Variants in LIMS2 observed in about 807,000 individuals in gnomAD.
LIMS2 encodes the protein LIM zinc finger domain containing 2.
A neutral mutation model predicts 45.3 loss-of-function variants in LIMS2; 30 were observed. The observed-to-expected ratio is 0.66, with a 90% CI of 0.50 to 0.90. The LOEUF is 0.90. LIMS2 is among the 40% of genes least tolerant of loss of function. The probability of loss-of-function intolerance (pLI) is 0.00; values close to 1 mark genes in which losing one functional copy is unlikely to be tolerated. For missense variants in LIMS2, 485 were observed against 468.7 expected (o/e 1.03, Z -0.32); for synonymous variants, 173 against 188.0 (o/e 0.92, Z 0.65).
At chr2:127,673,470 G>A (rs1168518853) in intron 1 of LIMS2, among the ~76,000 whole-genome samples, 1 of 152,162 alleles carries the variant, frequency 6.6e-6, no homozygotes, top group Non-Finnish European at 1.5e-5. Flanking sequence ...GCTGACCCCT[G>A]CTCGCCACCA....
At chr2:127,651,182 C>A in intron 4 of LIMS2, 1 of 1,612,130 alleles carries the variant, frequency 6.2e-7, no homozygotes. Context: ...TCTACGCACA[C>A]CTGGCCTGTG....
chr2:127,650,796 G>A (rs1683674296), intron 4 of LIMS2: 1 of 1,613,014 alleles, frequency 6.2e-7, no homozygotes, highest in Admixed American at 1.7e-5. Context: ...GGCCACGGCA[G>A]AGCAATGTGG....
At chr2:127,639,990 G>T in intron 9 of LIMS2, 80 bp downstream of exon 9, 2 of 1,419,438 alleles carry the variant, frequency 1.4e-6, no homozygotes, top group Admixed American at 1.7e-5. Context: ...CTCAGCTGGT[G>T]TGCAGGAGGG....
intron 4 of LIMS2, among the ~76,000 whole-genome samples, chr2:127,650,240 A>T (rs1160522861): frequency 6.6e-6 from 1 of 152,112 alleles, no homozygotes; most frequent in East Asian, 1.9e-4. Context: ...GGGTCCAGGC[A>T]CTCAGGATGA....
rs1684009489 is a variant in LIMS2 at position 127,653,533 on chromosome 2, G to C, written c.359+891C>G. ...ATTCTGTCTGCAAGGGCAGCCATGA[G>C]GGCCGGGCACGGAGCCCCAGACGAC... On this transcript the variant is annotated intron_variant, in intron 4 of 9. Transcript: ENST00000355119. The surrounding 1 kb of genome is among the most constrained non-coding windows in gnomAD (Gnocchi z 5.3). 6.6e-6 allele frequency among the ~76,000 whole-genome samples: 1 copy of C among 152,208 alleles called. No homozygotes were observed. The highest frequency in any genetic ancestry group is 1.5e-5 in the Non-Finnish European group (1 of 68,038).
In LIMS2 at chr2:127,642,175, G is replaced by C; in HGVS notation, c.534C>G (p.Arg178=). The C allele has an allele frequency of 6.4e-7, 1 of 1,570,120 alleles. No homozygotes were observed. The highest frequency in any genetic ancestry group is 8.7e-7 in the Non-Finnish European group (1 of 1,153,354). ...GGCAGTAGAGCTCACCCTTCAGCTC[G>C]CGGGCCTCGGCTGTCAGCTCCTTCC... The part of the protein sequence containing the change: ...HCGKELTAEA[R]ELKGELYCLP... The change falls in exon 6 of 10, where the codon CGC becomes CGG. Residue 178 remains arginine (R), a synonymous_variant. Transcript: ENST00000355119. The surrounding 1 kb of genome is among the most constrained non-coding windows in gnomAD (Gnocchi z 5.3).
Position 127,653,049 on chromosome 2 carries a change from C to T in LIMS2, c.359+1375G>A, listed in dbSNP as rs926627541. Among the ~76,000 whole-genome samples the T allele has an allele frequency of 4.6e-5, 7 of 152,270 alleles. No individual in the cohort carries two copies. The highest frequency in any genetic ancestry group is 8.8e-5 in the Non-Finnish European group (6 of 68,020). On this transcript the variant is annotated intron_variant, in intron 4 of 9. Transcript: ENST00000355119. The surrounding 1 kb of genome is among the most constrained non-coding windows in gnomAD (Gnocchi z 5.3). ...AGCACGAGCTCCTGGTGCTGTCCCT[C>T]GGCCCCTGCACTGCACCGTCTGCCC...
exon 1 of LIMS2, chr2:127,681,586 G>A (rs747603702): frequency 1.3e-5 from 2 of 152,316 alleles, no homozygotes; most frequent in African/African-American, 4.8e-5. Flanking sequence ...AAGAAGCCGC[G>A]GAAGGAAAGG....
At chr2:127,651,997 T>C (rs1683852396) in intron 4 of LIMS2, 2 of 557,634 alleles carry the variant, frequency 3.6e-6, no homozygotes, top group South Asian at 5.4e-5. Context: ...ACTCAACGAC[T>C]TCATCTGTGG....
At chr2:127,641,960 G>A (rs774761118) in intron 6 of LIMS2, 89 bp downstream of exon 6, 25 of 1,438,264 alleles carry the variant, frequency 1.7e-5, no homozygotes, top group Non-Finnish European at 2.3e-5. Context: ...CCCTGGGCTG[G>A]GAGTGTGGAG....
Position 127,640,108 on chromosome 2 carries a change from G to A in LIMS2, c.840C>T (p.Cys280=). ...SALNKAWCVS[C]FSCSTCNSKL... is the part of the protein sequence containing the mutation. Reference sequence around the variant, plus strand: ...TGCTGTTGCAGGTGGAGCAGGAGAAGCAGCTCACACACCAGGCCTTGTTGA... The same window carrying A: ...TGCTGTTGCAGGTGGAGCAGGAGAAACAGCTCACACACCAGGCCTTGTTGA... Residue 280 remains cysteine (C), a synonymous_variant, in exon 9 of 10, where the codon TGC becomes TGT. Coordinates refer to ENST00000355119, the MANE Select transcript of LIMS2 (RefSeq NM_001161403.3). 6.2e-7 allele frequency: 1 copy of A among 1,613,482 alleles called. No homozygotes were observed. Among genetic ancestry groups the A allele is most frequent in the Admixed American group, 1.7e-5 (1 of 60,028 alleles).
At chr2:127,662,074 G>A (rs1278026839) in intron 1 of LIMS2, among the ~76,000 whole-genome samples, 5 of 152,166 alleles carry the variant, frequency 3.3e-5, no homozygotes. Context: ...CTGAGGCCAC[G>A]TCGGCCTGAG....
intron 4 of LIMS2, chr2:127,646,018 G>GGCA (rs751504332): frequency 7.2e-5 from 11 of 153,504 alleles, no homozygotes; most frequent in Admixed American, 1.3e-4. Flanking sequence ...ACGCTCCGGT[G>GGCA]GCAGCAGCAG....
rs185864935 is a variant in LIMS2 at position 127,655,049 on chromosome 2, G to A, written c.172-153C>T. On this transcript the variant is annotated intron_variant, in intron 2 of 9. Transcript: ENST00000355119. ...GCTGGAGCAGTGGGTCCCAGGCCTGGCCAGAGAGGACACTGGCCCTTTTGG... is the reference window on the plus strand; with the variant it reads ...GCTGGAGCAGTGGGTCCCAGGCCTGACCAGAGAGGACACTGGCCCTTTTGG... The A allele has an allele frequency of 7.3e-3, 5,421 of 741,154 alleles. 350 individuals are homozygous for A. The Admixed American group carries it at 0.1, about 14-fold the overall frequency. The allele number at this position is 741,154 out of a possible 1,614,324, so 45.9% of individuals were successfully genotyped here. A position where few individuals can be genotyped will look rare whatever the true frequency, so the allele number is the denominator to read the frequency against.
Position 127,672,417 on chromosome 2 carries a change from A to G in LIMS2, c.11+2597T>C, listed in dbSNP as rs1185842738. 6.6e-6 allele frequency among the ~76,000 whole-genome samples: 1 copy of G among 151,878 alleles called. No individual in the cohort carries two copies. The highest frequency in any genetic ancestry group is 2.4e-5 in the African/African-American group (1 of 41,356). On this transcript the variant is annotated intron_variant, in intron 1 of 9. Coordinates refer to ENST00000355119, the MANE Select transcript of LIMS2 (RefSeq NM_001161403.3). This position sits in a 1 kb window ranked among gnomAD's most constrained non-coding sequence, Gnocchi z 4.9. Reference sequence around the variant, plus strand: ...GCTACTCCTGGGCTTCAGCCCCTCCATGCCCAGGTGCCTCCCACGGCTCCC... The same window carrying G: ...GCTACTCCTGGGCTTCAGCCCCTCCGTGCCCAGGTGCCTCCCACGGCTCCC...
At chr2:127,651,962 G>A in intron 4 of LIMS2, 1 of 614,332 alleles carries the variant, frequency 1.6e-6, no homozygotes, top group Non-Finnish European at 2.9e-6. Flanking sequence ...GCAGGGGCTT[G>A]TGATGGCTAC....
At chr2:127,657,324 C>T in intron 2 of LIMS2, 79 bp downstream of exon 2, 2 of 1,563,890 alleles carry the variant, frequency 1.3e-6, no homozygotes, top group South Asian at 1.1e-5. Flanking sequence ...GTCGGGACCA[C>T]TGCATGGAGC....
In LIMS2 at chr2:127,647,965, C is replaced by G. The variant is rs565738026; in HGVS notation, c.360-4893G>C. ...CCCTCCTTTTACCTCTCCTCCACAG[C>G]CCCCTTCACAGCCCTCAGCCCTTCC... On this transcript the variant is annotated intron_variant, in intron 4 of 9. Transcript: ENST00000355119. This position sits in a 1 kb window ranked among gnomAD's most constrained non-coding sequence, Gnocchi z 4.3. 22 of 950,194 alleles carry G rather than the reference C, an allele frequency of 2.3e-5. No homozygotes were observed. The South Asian group carries it at 9.7e-4, about 42-fold the overall frequency. The allele number at this position is 950,194 out of a possible 1,614,324, so 58.9% of individuals were successfully genotyped here.
upstream of LIMS2, among the ~76,000 whole-genome samples, chr2:127,677,912 T>C (rs138406413): frequency 7.9e-5 from 12 of 152,314 alleles, no homozygotes; most frequent in Admixed American, 3.3e-4. The surrounding 1 kb of genome is among the most constrained non-coding windows in gnomAD (Gnocchi z 5.0). Context: ...GGAAGGAATG[T>C]GAGGGAGTTT....
Sources: allele counts gnomAD v4.1 joint callset (sites outside exome capture counted in the v4.1 genomes callset), GRCh38; gene constraint gnomAD v4.1.1; non-coding constraint Gnocchi (gnomAD v3.1); transcripts MANE v1.5; gene names NCBI Gene and HGNC (gene_info 2026-07-23, HGNC 2026-07-21).